Variants in GLMN observed in about 807,000 individuals in gnomAD.
The protein encoded by GLMN is glomulin.
In GLMN, 75 loss-of-function variants were observed where a neutral mutation model predicts 87.8. That is an observed-to-expected ratio of 0.85 (90% CI 0.71 to 1.04). The LOEUF (loss-of-function observed/expected upper bound fraction) is 1.04, where lower values mean the gene tolerates loss of function less well. Among genes scored for constraint, GLMN ranks in the 50% least tolerant of loss-of-function variants. The probability of loss-of-function intolerance (pLI) is 0.00; values close to 1 mark genes in which losing one functional copy is unlikely to be tolerated. For synonymous variants in GLMN, 206 were observed against 221.6 expected (o/e 0.93, Z 0.63); for missense variants, 588 against 658.8 (o/e 0.89, Z 1.18).
the GLMN span, among the ~76,000 whole-genome samples, chr1:92,341,485 T>C: frequency 1.3e-5 from 2 of 152,136 alleles, no homozygotes; most frequent in East Asian, 3.8e-4. Context: ...GGAAGTACTT[T>C]GAAATGAAAT....
At chr1:92,331,307 A>G in the GLMN span, among the ~76,000 whole-genome samples, 1 of 152,158 alleles carries the variant, frequency 6.6e-6, no homozygotes. Context: ...TGTCCTTTAT[A>G]TGGAGAATTT....
intron 16 of GLMN, among the ~76,000 whole-genome samples, chr1:92,256,601 T>C (rs1166615198): frequency 6.6e-6 from 1 of 152,216 alleles, no homozygotes; most frequent in Non-Finnish European, 1.5e-5. Context: ...TGGTTCAACA[T>C]ACACAAATCA....
chr1:92,304,369 T>A, the GLMN span: 1 of 1,407,624 alleles, frequency 7.1e-7, no homozygotes, highest in South Asian at 1.3e-5. Flanking sequence ...AAGGCTTTCA[T>A]TGTGGCAATT....
chr1:92,335,037 T>G, the GLMN span, among the ~76,000 whole-genome samples: 1 of 152,044 alleles, frequency 6.6e-6, no homozygotes, highest in African/African-American at 2.4e-5. Flanking sequence ...GGGCTACTAC[T>G]CAGGAGGCTG....
chr1:92,291,555 G>C lies in GLMN; in HGVS notation c.166-18C>G. The C allele has an allele frequency of 6.2e-7, 1 of 1,612,956 alleles. No individual in the cohort carries two copies. The highest frequency in any genetic ancestry group is 8.5e-7 in the Non-Finnish European group (1 of 1,179,090). ...ATGATGACCTGTAAAAACATTTTCA[G>C]AGTAAAGCAAACACTGCCATCTATA... On this transcript the variant is annotated intron_variant, in intron 3 of 18. Coordinates refer to ENST00000370360, the MANE Select transcript of GLMN (RefSeq NM_053274.3).
chr1:92,350,564 A>T, the GLMN span, among the ~76,000 whole-genome samples: 1 of 152,346 alleles, frequency 6.6e-6, no homozygotes, highest in African/African-American at 2.4e-5. Flanking sequence ...TCTTAACTAA[A>T]TATGCCCTAT....
rs1035928443 is a variant in GLMN, at chr1:92,249,538, T to A, written c.1474-1549A>T. ...ACATGATATTTTACATATTTATGGG[T>A]ACATGTATTTGTTACACGTATAAAA... On this transcript the variant is annotated intron_variant, in intron 16 of 18. Transcript: ENST00000370360. Among the ~76,000 whole-genome samples, 4 of 152,166 alleles carry A rather than the reference T, an allele frequency of 2.6e-5. 1 individual carries two copies. Among genetic ancestry groups the A allele is most frequent in the Admixed American group, 2.6e-4 (4 of 15,264 alleles).
At chr1:92,304,400 C>A in the GLMN span, 1 of 1,009,088 alleles carries the variant, frequency 9.9e-7, no homozygotes, top group Non-Finnish European at 1.5e-6. Context: ...CTTTACTAAC[C>A]ACTATCCTAA....
At chr1:92,358,874 A>G in the GLMN span, among the ~76,000 whole-genome samples, 2 of 152,222 alleles carry the variant, frequency 1.3e-5, no homozygotes, top group African/African-American at 4.8e-5. Flanking sequence ...GGTGTGAGCC[A>G]CCATGCCCAG....
At chr1:92,323,522 A>G in the GLMN span, 3 of 1,613,964 alleles carry the variant, frequency 1.9e-6, no homozygotes, top group South Asian at 2.2e-5. Flanking sequence ...AGCCACTTTG[A>G]AAAGCAATAT....
chr1:92,345,499 A>G, the GLMN span, among the ~76,000 whole-genome samples: 5 of 151,190 alleles, frequency 3.3e-5, no homozygotes, highest in African/African-American at 4.9e-5. Context: ...TTGCTTGGTT[A>G]GGGGAAAGCA....
intron 8 of GLMN, 87 bp downstream of exon 8, chr1:92,271,378 T>G (rs1656215680): frequency 1.1e-6 from 1 of 918,032 alleles, no homozygotes. Context: ...ATTAGTGTGT[T>G]AATATGCATA....
chr1:92,277,151 A>G (rs1557545283), intron 7 of GLMN, among the ~76,000 whole-genome samples: 2 of 152,210 alleles, frequency 1.3e-5, no homozygotes, highest in Non-Finnish European at 2.9e-5. Flanking sequence ...CCCTACTAAC[A>G]GAATGTGTCA....
intron 16 of GLMN, among the ~76,000 whole-genome samples, chr1:92,259,732 C>CTTTTTTTT (rs58390058): frequency 3.7e-5 from 4 of 108,192 alleles, no homozygotes; most frequent in South Asian, 3.4e-4. Flanking sequence ...TTTTTTCTTT[C>CTTTTTTTT]TTTTTTTTTT....
chr1:92,333,288 C>G, the GLMN span: 1 of 851,772 alleles, frequency 1.2e-6, no homozygotes, highest in African/African-American at 1.7e-5. Context: ...TCCTACTGTG[C>G]CACAGATACA....
In GLMN at chr1:92,266,434, T is replaced by G. The variant is rs755782884; in HGVS notation, c.1199A>C (p.Lys400Thr). ...TGATACATACCTAAATAATGTATAT[T>G]TGCCTTGTGAATCCAACTTGTTAAT... ...LYINKLDSQG[K>T]YTLFRCLLNT... Residue 400 changes from lysine (K) to threonine (T), a missense_variant, in exon 13 of 19, where the codon AAA (lysine) becomes ACA (threonine). Physicochemically the swap from Lys to Thr is moderately conservative, Grantham distance 78. Coordinates refer to ENST00000370360, the MANE Select transcript of GLMN (RefSeq NM_053274.3). The G allele has an allele frequency of 9.0e-6, 14 of 1,549,882 alleles. No homozygotes were observed. The highest frequency in any genetic ancestry group is 1.1e-5 in the Non-Finnish European group (12 of 1,122,192).
At chr1:92,339,763 C>T in the GLMN span, among the ~76,000 whole-genome samples, 1 of 152,050 alleles carries the variant, frequency 6.6e-6, no homozygotes, top group Non-Finnish European at 1.5e-5. Flanking sequence ...TGTCTGTAAT[C>T]CCAGCACTGC....
At chr1:92,324,539 C>T in the GLMN span, among the ~76,000 whole-genome samples, 2 of 152,194 alleles carry the variant, frequency 1.3e-5, no homozygotes, top group South Asian at 4.1e-4. Flanking sequence ...CCACTGTTGG[C>T]ATTACTATTT....
intron 7 of GLMN, among the ~76,000 whole-genome samples, chr1:92,282,664 CA>C (rs1175469984): frequency 1.3e-5 from 2 of 151,572 alleles, no homozygotes; most frequent in South Asian, 2.1e-4. Flanking sequence ...AAAAACCCTT[CA>C]AAAAAAATCA....
Sources: gnomAD v4.1 joint callset for allele counts (sites outside exome capture counted in the v4.1 genomes callset) on GRCh38, gnomAD v4.1.1 for gene constraint, MANE v1.5 for transcripts, NCBI Gene and HGNC (gene_info 2026-07-23, HGNC 2026-07-21) for gene names.